Variants in RRM2 observed in about 807,000 individuals in gnomAD.
RRM2 encodes the protein ribonucleoside-diphosphate reductase subunit M2.
A neutral mutation model predicts 45.9 loss-of-function variants in RRM2; 6 were observed. The observed-to-expected ratio is 0.13, with a 90% confidence interval of 0.07 to 0.26. The LOEUF is 0.26. Among genes scored for constraint, RRM2 ranks in the 10% least tolerant of loss-of-function variants. The pLI is 1.00. For missense variants in RRM2, 343 were observed against 489.5 expected (o/e 0.70, Z 2.82); for synonymous variants, 177 against 173.0 (o/e 1.02, Z -0.18).
chr2:10,147,315 C>T (rs777417525), intron 3 of RRM2, among the ~76,000 whole-genome samples: 6 of 151,796 alleles, frequency 4.0e-5, no homozygotes, highest in Non-Finnish European at 7.4e-5. Flanking sequence ...CAGAATCTCA[C>T]TCTGTTGCCC....
At chr2:10,138,386 C>T (rs556645475), upstream of RRM2, among the ~76,000 whole-genome samples, 5 of 152,232 alleles carry the variant, frequency 3.3e-5, no homozygotes, top group South Asian at 2.1e-4. Context: ...AGGCTGGTCT[C>T]GAACTCCTGA....
intron 3 of RRM2, among the ~76,000 whole-genome samples, chr2:10,194,172 G>C (rs1572530050): frequency 6.6e-6 from 1 of 152,230 alleles, no homozygotes; most frequent in Non-Finnish European, 1.5e-5. Context: ...CGGGAGAGCT[G>C]GAAAAGCTTC....
rs371867277 is a variant in RRM2 at position 10,205,968 on chromosome 2, C to T, written n.483-4343C>T. Among the ~76,000 whole-genome samples, 1 of 152,222 alleles carries T rather than the reference C, an allele frequency of 6.6e-6. No individual in the cohort carries two copies. Among genetic ancestry groups the T allele is most frequent in the East Asian group, 2.0e-4 (1 of 5,128 alleles). ...TTGGCTTCCCAAAGTTCTGGGATTA[C>T]AGGCATGAGCCACTGCGCCTGGCCA... On this transcript the variant is annotated intron_variant and non_coding_transcript_variant, in intron 3 of 3. Coordinates refer to the RRM2 transcript ENST00000381786. The surrounding 1 kb of genome is among the most constrained non-coding windows in gnomAD (Gnocchi z 4.8).
intron 3 of RRM2, among the ~76,000 whole-genome samples, chr2:10,164,555 C>T (rs1375110763): frequency 6.6e-6 from 1 of 152,188 alleles, no homozygotes; most frequent in Non-Finnish European, 1.5e-5. Context: ...GCGAAGTGAG[C>T]AGGCTGGCAT....
Position 10,123,733 on chromosome 2 carries a change from C to T in RRM2, c.319-3C>T. On this transcript the variant is annotated splice_region_variant and splice_polypyrimidine_tract_variant and intron_variant, in intron 3 of 9. Transcript: ENST00000304567. ...TGCTAAAATTGTGACTTCCGAACCT[C>T]AGGTGGACCTCTCCAAGGACATTCA... 6.4e-7 allele frequency: 1 copy of T among 1,570,822 alleles called. No homozygotes were observed. Among genetic ancestry groups the T allele is most frequent in the Non-Finnish European group, 8.8e-7 (1 of 1,141,334 alleles).
In RRM2 at chr2:10,190,753, C is replaced by T. The variant is rs1258514570; in HGVS notation, n.483-19558C>T. Among the ~76,000 whole-genome samples the T allele has an allele frequency of 1.8e-4, 25 of 135,428 alleles. 1 individual carries two copies. The highest frequency in any genetic ancestry group is 6.8e-4 in the African/African-American group (24 of 35,272). The allele number at this position is 135,428 out of a possible 152,430, so 88.8% of individuals were successfully genotyped here. A position where few individuals can be genotyped will look rare whatever the true frequency, so the allele number is the denominator to read the frequency against. Reference sequence around the variant, plus strand: ...TTGGCGGTGATGGTGGTGATGTTGGCGATGATGGTGGTAATGATGGTGGCA... The same window carrying T: ...TTGGCGGTGATGGTGGTGATGTTGGTGATGATGGTGGTAATGATGGTGGCA... On this transcript the variant is annotated intron_variant and non_coding_transcript_variant, in intron 3 of 3. Coordinates refer to the RRM2 transcript ENST00000381786.
At chr2:10,176,781 A>C (rs763029937) in intron 3 of RRM2, among the ~76,000 whole-genome samples, 15 of 152,200 alleles carry the variant, frequency 9.9e-5, no homozygotes, top group Non-Finnish European at 1.5e-4. Flanking sequence ...ATTGTTGCCC[A>C]CTGTGGCTAT....
rs1052649997 is a variant in RRM2 at position 10,171,697 on chromosome 2, C to T, written n.482+29322C>T. ...CCCCAGGACCCCTGGCATAGGGAGC[C>T]GAGCAGGGCAGCCGGGCAGAGGCAG... is the stretch of plus-strand genomic sequence containing the variant. On this transcript the variant is annotated intron_variant and non_coding_transcript_variant, in intron 3 of 3. Transcript: ENST00000381786. The surrounding 1 kb of genome is among the most constrained non-coding windows in gnomAD (Gnocchi z 4.1). Among the ~76,000 whole-genome samples the T allele has an allele frequency of 2.0e-5, 3 of 152,220 alleles. No homozygotes were observed. The highest frequency in any genetic ancestry group is 6.5e-5 in the Admixed American group (1 of 15,280).
chr2:10,210,505 G>A lies in RRM2; in HGVS notation n.677G>A, dbSNP rs377194625. ...CACCAAGAATGCACAGAGGGCGCTG[G>A]GCTCCAAGCTTCAGCATATCCTTTC... On this transcript the variant is annotated non_coding_transcript_exon_variant, in exon 4 of 4. Transcript: ENST00000381786. 8 of 1,367,482 alleles carry A rather than the reference G, an allele frequency of 5.9e-6. No individual in the cohort carries two copies. The African/African-American group carries it at 1.2e-4, about 20-fold the overall frequency. 84.7% of individuals were successfully genotyped at this position (1,367,482 alleles called of 1,614,324 possible). A position where few individuals can be genotyped will look rare whatever the true frequency, so the allele number is the denominator to read the frequency against.
Position 10,129,052 on chromosome 2 carries a change from T to C in RRM2, c.915T>C (p.Thr305=). The change falls in exon 9 of 10, where the codon ACT becomes ACC. Residue 305 remains threonine (T), a synonymous_variant. Transcript: ENST00000304567. The surrounding 1 kb of genome is among the most constrained non-coding windows in gnomAD (Gnocchi z 4.8). Reference sequence around the variant, plus strand: ...ATTTTGGTTCCTAGGAGTTCCTCACTGAGGCCTTGCCTGTGAAGCTCATTG... The same window carrying C: ...ATTTTGGTTCCTAGGAGTTCCTCACCGAGGCCTTGCCTGTGAAGCTCATTG... ...NAVRIEQEFL[T]EALPVKLIGM... 6.2e-7 allele frequency: 1 copy of C among 1,614,184 alleles called. No individual in the cohort carries two copies.
upstream of RRM2, among the ~76,000 whole-genome samples, chr2:10,138,919 C>A (rs915832824): frequency 3.9e-5 from 6 of 152,044 alleles, no homozygotes; most frequent in Admixed American, 2.0e-4. Context: ...ACCAGCCTGG[C>A]CAACATGGTG....
chr2:10,143,632 C>T (rs567833974), intron 3 of RRM2, among the ~76,000 whole-genome samples: 325 of 152,266 alleles, frequency 2.1e-3, no homozygotes, highest in African/African-American at 7.4e-3. Flanking sequence ...GTCCCTGGCC[C>T]CCAGAGTGGG....
rs1662870900 is a variant in RRM2, at chr2:10,130,314, C to G, written c.*928C>G. 6.6e-6 allele frequency: 1 copy of G among 152,164 alleles called. No individual in the cohort carries two copies. Among genetic ancestry groups the G allele is most frequent in the African/African-American group, 2.4e-5 (1 of 41,442 alleles). 9.4% of individuals were successfully genotyped at this position (152,164 alleles called of 1,614,324 possible). On this transcript the variant is annotated 3_prime_UTR_variant, in exon 10 of 10. Coordinates refer to ENST00000304567, the MANE Select transcript of RRM2 (RefSeq NM_001034.4). ...TCAAGTCATCCTTAAACAAAATGAT[C>G]CACCTAAGATCTTGCCCCTGTTAAG... is the stretch of plus-strand genomic sequence containing the variant.
rs1306329824 is a variant in RRM2 at position 10,123,947 on chromosome 2, T to C, written c.435+95T>C. ...GTCTTGTATGTTTTTCCATGCTGAG[T>C]GCATCTGTGTGTGTAAGCTGGGTTT... On this transcript the variant is annotated intron_variant, in intron 4 of 9. Coordinates refer to ENST00000304567, the MANE Select transcript of RRM2 (RefSeq NM_001034.4). 3 of 745,512 alleles carry C rather than the reference T, an allele frequency of 4.0e-6. No individual in the cohort carries two copies. The African/African-American group carries it at 5.2e-5, about 13-fold the overall frequency. The allele number at this position is 745,512 out of a possible 1,614,324, so 46.2% of individuals were successfully genotyped here. A position where few individuals can be genotyped will look rare whatever the true frequency, so the allele number is the denominator to read the frequency against.
intron 3 of RRM2, among the ~76,000 whole-genome samples, chr2:10,194,380 G>A (rs1361189422): frequency 9.9e-5 from 15 of 152,222 alleles, no homozygotes; most frequent in Non-Finnish European, 1.5e-5. Flanking sequence ...TGGTCCTGCC[G>A]TGCCTCCTCC....
At chr2:10,157,707 TAC>T (rs1663463235) in intron 3 of RRM2, among the ~76,000 whole-genome samples, 2 of 152,250 alleles carry the variant, frequency 1.3e-5, no homozygotes, top group Admixed American at 6.5e-5. Flanking sequence ...TTGACTATAC[TAC>T]AGTTTGTTCA....
At chr2:10,191,123 A>G (rs145901751) in intron 3 of RRM2, among the ~76,000 whole-genome samples, 1,595 of 152,326 alleles carry the variant, frequency 0.01, 27 homozygotes, top group African/African-American at 0.035. Flanking sequence ...TTTTTCCCAG[A>G]TGTGCTGAGG....
chr2:10,195,918 C>T lies in RRM2; in HGVS notation n.483-14393C>T, dbSNP rs1257247846. 6.6e-6 allele frequency among the ~76,000 whole-genome samples: 1 copy of T among 152,234 alleles called. No individual in the cohort carries two copies. Among genetic ancestry groups the T allele is most frequent in the Non-Finnish European group, 1.5e-5 (1 of 68,048 alleles). On this transcript the variant is annotated intron_variant and non_coding_transcript_variant, in intron 3 of 3. Coordinates refer to the RRM2 transcript ENST00000381786. The surrounding 1 kb of genome is among the most constrained non-coding windows in gnomAD (Gnocchi z 4.9). The stretch of plus-strand genomic sequence containing the variant: ...CGAGGAAATTCCTTTTGTTCCTACC[C>T]TCACTTCCAGTGTTGAACACAGTCA...
chr2:10,145,353 G>C (rs1663166585), intron 3 of RRM2, among the ~76,000 whole-genome samples: 1 of 152,188 alleles, frequency 6.6e-6, no homozygotes, highest in Non-Finnish European at 1.5e-5. Flanking sequence ...CATACATAGA[G>C]ACCTAGTGTG....
Sources: allele counts gnomAD v4.1 joint callset (sites outside exome capture counted in the v4.1 genomes callset), GRCh38; gene constraint gnomAD v4.1.1; non-coding constraint Gnocchi (gnomAD v3.1); transcripts MANE v1.5; gene names NCBI Gene and HGNC (gene_info 2026-07-23, HGNC 2026-07-21).